RIN2: variants seen among roughly 807,000 people sequenced by gnomAD.
The protein encoded by RIN2 is RAB5 interacting protein 2.
Under a neutral mutation model 78.0 loss-of-function variants are expected in RIN2, and 36 were observed. The observed-to-expected ratio is 0.46, with a 90% CI of 0.35 to 0.61. RIN2 has a LOEUF of 0.61. Among genes scored for constraint, RIN2 ranks in the 20% least tolerant of loss-of-function variants. The probability of loss-of-function intolerance (pLI) is 0.00; values close to 1 mark genes in which losing one functional copy is unlikely to be tolerated. For synonymous variants in RIN2, 466 were observed against 466.8 expected (o/e 1.00, Z 0.02); for missense variants, 1,087 against 1,159.7 (o/e 0.94, Z 0.91).
At chr20:19,807,831 C>A (rs954260406) in intron 2 of RIN2, among the ~76,000 whole-genome samples, 3 of 152,190 alleles carry the variant, frequency 2.0e-5, no homozygotes, top group Non-Finnish European at 2.9e-5. Flanking sequence ...GGCATGGATG[C>A]AGTTTAGCTG....
intron 1 of RIN2, among the ~76,000 whole-genome samples, chr20:19,794,566 ATACTAG>A (rs1362879751): frequency 1.3e-5 from 2 of 150,018 alleles, no homozygotes; most frequent in Non-Finnish European, 3.0e-5. Context: ...AGATACAGTG[ATACTAG>A]GTAATGATGA....
chr20:19,889,478 T>C, intron 2 of RIN2, 88 bp from the exon 3 acceptor site: 1 of 1,307,474 alleles, frequency 7.6e-7, no homozygotes. Context: ...AAAAAGATCT[T>C]GGCAGGACTG....
rs534202183 is a variant in RIN2 at position 19,890,679 on chromosome 20, C to CAAAAAAAAAAAAA, written c.57+1033_57+1045dup. Among the ~76,000 whole-genome samples, 100 of 64,436 alleles carry CAAAAAAAAAAAAA rather than the reference C, an allele frequency of 1.6e-3. 12 individuals are homozygous for CAAAAAAAAAAAAA. Among genetic ancestry groups the CAAAAAAAAAAAAA allele is most frequent in the African/African-American group, 5.1e-3 (89 of 17,436 alleles). The allele number at this position is 64,436 out of a possible 152,430, so 42.3% of individuals were successfully genotyped here. A position where few individuals can be genotyped will look rare whatever the true frequency, so the allele number is the denominator to read the frequency against. Reference sequence around the variant, plus strand: ...TATATTGTGTCAACTGTTGACTCTACAAAAAAAAAAAAAAAAAAAAAAAAC... The same window carrying CAAAAAAAAAAAAA: ...TATATTGTGTCAACTGTTGACTCTACAAAAAAAAAAAAAAAAAAAAAAAAAAAAAAAAAAAAAC... On this transcript the variant is annotated intron_variant, in intron 3 of 12. Coordinates refer to ENST00000255006, the MANE Select transcript of RIN2 (RefSeq NM_018993.4).
At chr20:19,974,464 A>G (rs886194388) in intron 8 of RIN2, among the ~76,000 whole-genome samples, 190 bp from the exon 9 acceptor site, 1 of 152,102 alleles carries the variant, frequency 6.6e-6, no homozygotes, top group Non-Finnish European at 1.5e-5. Context: ...CCTTCCTGTG[A>G]GCCCACAGCT....
chr20:19,797,656 C>G (rs1008049719), intron 1 of RIN2, among the ~76,000 whole-genome samples: 1 of 151,974 alleles, frequency 6.6e-6, no homozygotes, highest in African/African-American at 2.4e-5. Flanking sequence ...TTTGAGTAGT[C>G]CTATCTGTGT....
chr20:19,972,477 A>G (rs2146308086), intron 8 of RIN2, among the ~76,000 whole-genome samples: 1 of 152,322 alleles, frequency 6.6e-6, no homozygotes, highest in South Asian at 2.1e-4. Context: ...GCTAATTAAC[A>G]TATATTCGAC....
At chr20:19,915,499 G>A (rs937971134) in intron 3 of RIN2, among the ~76,000 whole-genome samples, 2 of 152,248 alleles carry the variant, frequency 1.3e-5, no homozygotes, top group East Asian at 3.9e-4. Context: ...AGAAGAAAAC[G>A]GTGACTTCCA....
chr20:19,813,429 C>T (rs913681083), intron 2 of RIN2, among the ~76,000 whole-genome samples: 9 of 152,192 alleles, frequency 5.9e-5, no homozygotes, highest in African/African-American at 1.7e-4. Context: ...ACACCGAATA[C>T]GTACCAGATA....
At chr20:19,872,414 C>G (rs933973467) in intron 2 of RIN2, 2 of 152,162 alleles carry the variant, frequency 1.3e-5, no homozygotes, top group African/African-American at 4.8e-5. Context: ...GGTCCAAATG[C>G]AAAGGTGGGA....
intron 3 of RIN2, among the ~76,000 whole-genome samples, chr20:19,898,246 A>G (rs2038825126): frequency 6.6e-6 from 1 of 152,232 alleles, no homozygotes; most frequent in Non-Finnish European, 1.5e-5. Flanking sequence ...GTTCCAACAC[A>G]TGCTCATCTT....
At chr20:19,855,748 G>A (rs933764966) in intron 2 of RIN2, among the ~76,000 whole-genome samples, 27 of 152,050 alleles carry the variant, frequency 1.8e-4, no homozygotes, top group African/African-American at 5.8e-4. Flanking sequence ...AACTGACACC[G>A]GAGGCTTGGG....
chr20:19,917,818 G>A (rs2039749992), intron 3 of RIN2, among the ~76,000 whole-genome samples: 1 of 152,282 alleles, frequency 6.6e-6, no homozygotes, highest in East Asian at 1.9e-4. Flanking sequence ...TCATATTGGG[G>A]TACACACTTT....
intron 1 of RIN2, among the ~76,000 whole-genome samples, chr20:19,788,328 C>T (rs1322010712): frequency 6.6e-6 from 1 of 151,534 alleles, no homozygotes; most frequent in Non-Finnish European, 1.5e-5. Flanking sequence ...GGTGCATTGC[C>T]TCATGCCTGT....
chr20:19,804,863 G>A (rs948173376), intron 2 of RIN2, among the ~76,000 whole-genome samples: 3 of 151,948 alleles, frequency 2.0e-5, no homozygotes, highest in African/African-American at 7.3e-5. Context: ...GTTGTTGTTT[G>A]TTTTGTTTTG....
At chr20:19,957,574 G>A (rs6112688) in intron 5 of RIN2, among the ~76,000 whole-genome samples, 7,152 of 152,246 alleles carry the variant, frequency 0.047, 181 homozygotes, top group African/African-American at 0.058. Context: ...CTACTCAGGA[G>A]GCTGAGGCAG....
intron 2 of RIN2, chr20:19,872,414 C>T (rs933973467): frequency 6.6e-6 from 1 of 152,280 alleles, no homozygotes; most frequent in Non-Finnish European, 1.5e-5. Context: ...GGTCCAAATG[C>T]AAAGGTGGGA....
intron 2 of RIN2, among the ~76,000 whole-genome samples, chr20:19,876,643 G>A (rs1273110240): frequency 1.3e-5 from 2 of 152,132 alleles, no homozygotes; most frequent in African/African-American, 4.8e-5. Flanking sequence ...TGTGGCTCAC[G>A]CCTGGAATCC....
intron 1 of RIN2, among the ~76,000 whole-genome samples, chr20:19,796,819 C>T (rs2035070538): frequency 6.6e-6 from 1 of 152,208 alleles, no homozygotes; most frequent in Non-Finnish European, 1.5e-5. Context: ...ATTTCAGTGT[C>T]TGCCTCTGAG....
At chr20:19,893,091 C>G (rs527392261) in intron 3 of RIN2, among the ~76,000 whole-genome samples, 4 of 152,274 alleles carry the variant, frequency 2.6e-5, no homozygotes, top group Admixed American at 6.5e-5. Context: ...TTTAAAAATG[C>G]TTCATGGGAG....
Sources: allele counts gnomAD v4.1 joint callset (sites outside exome capture counted in the v4.1 genomes callset), GRCh38; gene constraint gnomAD v4.1.1; transcripts MANE v1.5; gene names NCBI Gene and HGNC (gene_info 2026-07-23, HGNC 2026-07-21).